SEC22C: variants seen among roughly 807,000 people sequenced by gnomAD.
SEC22C encodes SEC22 homolog C, vesicle trafficking protein.
SEC22C carries 29 observed loss-of-function variants against 34.7 expected under a neutral mutation model. The observed-to-expected ratio is 0.84, with a 90% confidence interval of 0.62 to 1.14. The LOEUF (loss-of-function observed/expected upper bound fraction) is 1.14. Ranked by LOEUF, SEC22C falls within the 50% of genes most tolerant of loss-of-function variation. The pLI is 0.00. For missense variants in SEC22C, 337 were observed against 369.0 expected, an observed-to-expected ratio of 0.91 and a Z score of 0.71; for synonymous variants, 117 against 132.8, an observed-to-expected ratio of 0.88 and a Z score of 0.82.
At chr3:42,598,926 TCTATAG>T (rs201375436) in intron 1 of SEC22C, among the ~76,000 whole-genome samples, 4,337 of 146,818 alleles carry the variant, frequency 0.03, 113 homozygotes, top group African/African-American at 0.064. Context: ...TATCTATAGA[TCTATAG>T]ATATCTAGAT....
chr3:42,591,025 C>G, intron 1 of SEC22C: 2 of 1,532,598 alleles, frequency 1.3e-6, no homozygotes, highest in Non-Finnish European at 1.8e-6. Flanking sequence ...CGAGGGGCTG[C>G]GGGGTGCGAG....
rs936590473 is a variant in SEC22C, at chr3:42,564,331, G to C, written c.183-645C>G. On this transcript the variant is annotated intron_variant, in intron 2 of 6. Transcript: ENST00000264454. ...GGGGTTCTAGGTCACCTATCTGTGT[G>C]TCTACTGACTCCCACTCACTGTGGA... The C allele has an allele frequency of 1.8e-5, 3 of 163,622 alleles. No homozygotes were observed. In the South Asian group the frequency reaches 5.0e-4, roughly 27 times the overall value. The allele number at this position is 163,622 out of a possible 1,614,324, so 10.1% of individuals were successfully genotyped here. A position where few individuals can be genotyped will look rare whatever the true frequency, so the allele number is the denominator to read the frequency against.
intron 2 of SEC22C, among the ~76,000 whole-genome samples, chr3:42,568,196 C>T (rs759710338): frequency 6.6e-6 from 1 of 151,758 alleles, no homozygotes; most frequent in Non-Finnish European, 1.5e-5. Flanking sequence ...CTTTCTAACT[C>T]TCATTATTTT....
intron 2 of SEC22C, 52 bp from the exon 3 acceptor site, chr3:42,563,738 C>T (rs768812426): frequency 6.8e-6 from 11 of 1,609,580 alleles, no homozygotes; most frequent in Middle Eastern, 1.6e-4. Context: ...CCATGTATTC[C>T]CATCCCACAC....
At chr3:42,598,513 G>C (rs1236624348) in intron 1 of SEC22C, among the ~76,000 whole-genome samples, 2 of 151,946 alleles carry the variant, frequency 1.3e-5, no homozygotes, top group Non-Finnish European at 2.9e-5. Flanking sequence ...ATTTTTAGTA[G>C]AGACGGCGTT....
chr3:42,591,607 TACCCCC>T, intron 1 of SEC22C: 1 of 1,606,892 alleles, frequency 6.2e-7, no homozygotes, highest in Non-Finnish European at 8.5e-7. Flanking sequence ...GTGCAGTAAG[TACCCCC>T]ACCCCCGCGC....
rs151272604 is a variant in SEC22C at position 42,555,227 on chromosome 3, G to C, written c.711+703C>G. Among the ~76,000 whole-genome samples the C allele has an allele frequency of 1.2e-3, 189 of 152,006 alleles. 1 individual carries two copies. The highest frequency in any genetic ancestry group is 0.01 in the Middle Eastern group (3 of 294). The stretch of plus-strand genomic sequence containing the variant: ...CCAGGTGTGGTGGTGGGCACCTACA[G>C]TCCCAGCTACTTAGGAGGCTGAGGC... On this transcript the variant is annotated intron_variant, in intron 6 of 6. Transcript: ENST00000264454.
At chr3:42,597,051 T>C (rs1358025407) in intron 1 of SEC22C, among the ~76,000 whole-genome samples, 1 of 152,184 alleles carries the variant, frequency 6.6e-6, no homozygotes, top group African/African-American at 2.4e-5. Context: ...AACTATTTCA[T>C]CTCCAGAAAG....
At chr3:42,575,783 T>C (rs1442053522) in intron 1 of SEC22C, among the ~76,000 whole-genome samples, 1 of 152,224 alleles carries the variant, frequency 6.6e-6, no homozygotes, top group Admixed American at 6.5e-5. Flanking sequence ...GATATAATCA[T>C]GATTTATAAT....
Position 42,557,269 on chromosome 3 carries a change from G to A in SEC22C, c.645+309C>T, listed in dbSNP as rs545679265. On this transcript the variant is annotated intron_variant, in intron 5 of 6. Transcript: ENST00000264454. Reference sequence around the variant, plus strand: ...TCAGAGAATGAACCTTTTGTCCTGGGTAAATAATCCAGTCCCTGGAGTGAC... The same window carrying A: ...TCAGAGAATGAACCTTTTGTCCTGGATAAATAATCCAGTCCCTGGAGTGAC... Among the ~76,000 whole-genome samples, 4 of 152,206 alleles carry A rather than the reference G, an allele frequency of 2.6e-5. No individual in the cohort carries two copies. The South Asian group carries it at 8.3e-4, about 32-fold the overall frequency.
chr3:42,554,848 G>A (rs1011555171), intron 6 of SEC22C, among the ~76,000 whole-genome samples: 10 of 152,072 alleles, frequency 6.6e-5, no homozygotes, highest in Non-Finnish European at 1.2e-4. Context: ...ACTCAAAATC[G>A]CCTCTTTATG....
chr3:42,552,322 T>C lies in SEC22C; in HGVS notation c.*926A>G. 1.0e-6 allele frequency: 1 copy of C among 985,332 alleles called. No individual in the cohort carries two copies. Among genetic ancestry groups the C allele is most frequent in the Non-Finnish European group, 1.2e-6 (1 of 829,918 alleles). The allele number at this position is 985,332 out of a possible 1,614,324, so 61.0% of individuals were successfully genotyped here. On this transcript the variant is annotated 3_prime_UTR_variant, in exon 7 of 7. Transcript: ENST00000264454. ...CACAGGGTACAGTAGTCATCATCAT[T>C]AAAACAACAGGCACTCAGCTCTACT...
chr3:42,599,820 A>G (rs1413728811), intron 1 of SEC22C, among the ~76,000 whole-genome samples: 1 of 152,262 alleles, frequency 6.6e-6, no homozygotes, highest in Non-Finnish European at 1.5e-5. Flanking sequence ...ATAGACTTAC[A>G]CGTTAAAGAC....
chr3:42,560,752 C>G (rs1002672835), intron 4 of SEC22C, among the ~76,000 whole-genome samples: 1 of 152,102 alleles, frequency 6.6e-6, no homozygotes, highest in Non-Finnish European at 1.5e-5. Context: ...GATTCCCCTA[C>G]TTCAGTCTCT....
intron 2 of SEC22C, among the ~76,000 whole-genome samples, chr3:42,565,335 T>G (rs1185140366): frequency 6.6e-6 from 1 of 152,188 alleles, no homozygotes; most frequent in Non-Finnish European, 1.5e-5. Context: ...TGTAACTCCC[T>G]ATATAAAAAC....
intron 1 of SEC22C, among the ~76,000 whole-genome samples, chr3:42,570,682 T>A (rs1157018911): frequency 1.3e-5 from 2 of 151,922 alleles, no homozygotes; most frequent in Non-Finnish European, 2.9e-5. Context: ...ACACTGTGGG[T>A]TTTACAGCAG....
chr3:42,556,015 C>T lies in SEC22C; in HGVS notation c.646-20G>A. 6.3e-7 allele frequency: 1 copy of T among 1,594,768 alleles called. No individual in the cohort carries two copies. Among genetic ancestry groups the T allele is most frequent in the Non-Finnish European group, 8.6e-7 (1 of 1,163,960 alleles). ...GGCAACCTAAAACAAATACAAGGAA[C>T]ACAAGGAAAGGGATATTTAGATGAA... On this transcript the variant is annotated intron_variant, in intron 5 of 6. Transcript: ENST00000264454.
intron 1 of SEC22C, chr3:42,590,765 G>C: frequency 1.1e-6 from 1 of 921,748 alleles, no homozygotes; most frequent in Non-Finnish European, 1.8e-6. Context: ...TAGCTCTTGC[G>C]CGTCCAGTCA....
At chr3:42,600,763 G>A in intron 1 of SEC22C, 1 of 361,086 alleles carries the variant, frequency 2.8e-6, no homozygotes. Flanking sequence ...ACCCGCTCAG[G>A]CTGGAGGCCA....
Sources: gnomAD v4.1 joint callset for allele counts (sites outside exome capture counted in the v4.1 genomes callset) on GRCh38, gnomAD v4.1.1 for gene constraint, MANE v1.5 for transcripts, NCBI Gene and HGNC (gene_info 2026-07-23, HGNC 2026-07-21) for gene names.